Variants in CCDC91 observed in about 807,000 individuals in gnomAD.
CCDC91 encodes coiled-coil domain containing 91, also known as coiled-coil domain-containing protein 91.
In CCDC91, 48 loss-of-function variants were observed where a neutral mutation model predicts 63.2. That is an observed-to-expected ratio of 0.76 (90% confidence interval 0.60 to 0.97). CCDC91 has a LOEUF of 0.97. Ranked by LOEUF, CCDC91 falls within the 50% of genes least tolerant of loss-of-function variation. The pLI, the probability that CCDC91 is intolerant of heterozygous loss-of-function variation, is 0.00. For synonymous variants in CCDC91, 167 were observed against 165.8 expected (o/e 1.01, Z -0.06); for missense variants, 500 against 494.6 (o/e 1.01, Z -0.10).
intron 12 of CCDC91, among the ~76,000 whole-genome samples, chr12:28,511,226 T>G (rs1939341698): frequency 6.6e-6 from 1 of 151,976 alleles, no homozygotes; most frequent in African/African-American, 2.4e-5. Context: ...CTAGGACTAC[T>G]CGCTTTCACT....
At chr12:28,304,914 T>C (rs1309776410) in intron 3 of CCDC91, among the ~76,000 whole-genome samples, 1 of 152,168 alleles carries the variant, frequency 6.6e-6, no homozygotes, top group African/African-American at 2.4e-5. Flanking sequence ...TTGGATTCCC[T>C]TTCAGGACCT....
At chr12:28,327,870 A>T (rs947112286) in intron 6 of CCDC91, among the ~76,000 whole-genome samples, 3 of 151,906 alleles carry the variant, frequency 2.0e-5, no homozygotes, top group Non-Finnish European at 4.4e-5. Flanking sequence ...CAGTCTTAGC[A>T]GGTTTGGTCA....
At chr12:28,387,454 T>C (rs562953340) in intron 7 of CCDC91, among the ~76,000 whole-genome samples, 14 of 152,322 alleles carry the variant, frequency 9.2e-5, no homozygotes, top group Non-Finnish European at 1.3e-4. Context: ...GTAAGTTCTT[T>C]CGTGGTGATT....
At chr12:28,466,469 G>A (rs966984421) in intron 11 of CCDC91, among the ~76,000 whole-genome samples, 3 of 152,128 alleles carry the variant, frequency 2.0e-5, no homozygotes, top group Admixed American at 1.3e-4. Flanking sequence ...AGCAGCAAGC[G>A]AGAATAAGCA....
chr12:28,458,949 A>G (rs963990984), intron 11 of CCDC91, among the ~76,000 whole-genome samples: 1 of 152,068 alleles, frequency 6.6e-6, no homozygotes, highest in African/African-American at 2.4e-5. Context: ...CCTGTAGCCT[A>G]TAAGATAAAA....
At chr12:28,389,330 C>T (rs1444342554) in intron 7 of CCDC91, among the ~76,000 whole-genome samples, 1 of 152,036 alleles carries the variant, frequency 6.6e-6, no homozygotes, top group Non-Finnish European at 1.5e-5. Context: ...ATATACCTAC[C>T]TTTGTGGGCC....
chr12:28,453,866 A>T (rs1949934200), intron 11 of CCDC91, among the ~76,000 whole-genome samples: 1 of 152,116 alleles, frequency 6.6e-6, no homozygotes, highest in Non-Finnish European at 1.5e-5. Flanking sequence ...CCTCACATAG[A>T]TGTGGGCCAT....
At chr12:28,438,574 A>G (rs1477470492) in intron 8 of CCDC91, among the ~76,000 whole-genome samples, 1 of 152,082 alleles carries the variant, frequency 6.6e-6, no homozygotes, top group Non-Finnish European at 1.5e-5. Flanking sequence ...TATCTTATAT[A>G]CATGCATTAT....
intron 6 of CCDC91, among the ~76,000 whole-genome samples, chr12:28,344,522 C>T (rs529885002): frequency 3.3e-5 from 5 of 152,072 alleles, no homozygotes; most frequent in African/African-American, 1.2e-4. Flanking sequence ...CAAATTTTAT[C>T]GGCATATATA....
chr12:28,430,038 T>G (rs10843168), intron 8 of CCDC91, among the ~76,000 whole-genome samples: 1 of 151,846 alleles, frequency 6.6e-6, no homozygotes, highest in African/African-American at 2.4e-5. Context: ...TTTTGTTGGG[T>G]GTCTTAGTAC....
intron 6 of CCDC91, among the ~76,000 whole-genome samples, chr12:28,356,510 A>G (rs1943538544): frequency 6.6e-6 from 1 of 152,054 alleles, no homozygotes; most frequent in Admixed American, 6.6e-5. Context: ...TTATCACACC[A>G]TCTTTATTTT....
chr12:28,447,976 C>G (rs1396967971), intron 8 of CCDC91, among the ~76,000 whole-genome samples: 4 of 151,966 alleles, frequency 2.6e-5, no homozygotes, highest in Non-Finnish European at 4.4e-5. Flanking sequence ...ATGACAAAAT[C>G]GGAAGCATAG....
At chr12:28,484,358 G>GTTATGT in intron 12 of CCDC91, 193 bp downstream of exon 12, 1 of 305,274 alleles carries the variant, frequency 3.3e-6, no homozygotes, top group Non-Finnish European at 6.1e-6. Flanking sequence ...CCATCTGTCA[G>GTTATGT]CAAAAACAAC....
intron 12 of CCDC91, among the ~76,000 whole-genome samples, chr12:28,501,208 T>A (rs1323796328): frequency 2.0e-5 from 3 of 151,962 alleles, no homozygotes; most frequent in Admixed American, 2.0e-4. Context: ...TTCCTTCTCC[T>A]GTCTAATTGC....
At chr12:28,425,462 A>G (rs1948259376) in intron 8 of CCDC91, among the ~76,000 whole-genome samples, 1 of 152,130 alleles carries the variant, frequency 6.6e-6, no homozygotes, top group African/African-American at 2.4e-5. Flanking sequence ...GGACTCCAAC[A>G]GCAGTGAGTT....
At chr12:28,314,427 T>C (rs1395245713) in intron 6 of CCDC91, among the ~76,000 whole-genome samples, 2 of 152,086 alleles carry the variant, frequency 1.3e-5, no homozygotes, top group Non-Finnish European at 2.9e-5. Context: ...ATAATTGTGC[T>C]TTATAAAGTT....
At chr12:28,247,694 G>A (rs557134412) in intron 1 of CCDC91, among the ~76,000 whole-genome samples, 22 of 152,212 alleles carry the variant, frequency 1.4e-4, no homozygotes, top group Non-Finnish European at 2.9e-4. Context: ...TGAAAGTATT[G>A]GGGATTGAGA....
At chr12:28,275,390 C>T (rs545363133) in intron 3 of CCDC91, among the ~76,000 whole-genome samples, 15 of 152,054 alleles carry the variant, frequency 9.9e-5, no homozygotes, top group East Asian at 7.8e-4. Flanking sequence ...ATAAATTCCT[C>T]GACACATACA....
intron 7 of CCDC91, among the ~76,000 whole-genome samples, chr12:28,374,920 TTA>T (rs1944850663): frequency 6.6e-6 from 1 of 152,118 alleles, no homozygotes; most frequent in Non-Finnish European, 1.5e-5. Flanking sequence ...CCTAATATTC[TTA>T]TTCTGTCTTT....
Sources: allele counts gnomAD v4.1 joint callset (sites outside exome capture counted in the v4.1 genomes callset), GRCh38; gene constraint gnomAD v4.1.1; transcripts MANE v1.5; gene names NCBI Gene and HGNC (gene_info 2026-07-23, HGNC 2026-07-21).